UNK: variants seen among roughly 807,000 people sequenced by gnomAD.
UNK encodes unk zinc finger.
A neutral mutation model predicts 97.6 loss-of-function variants in UNK; 32 were observed. The ratio of observed to expected loss-of-function variants is 0.33; its 90% CI spans 0.25 to 0.44. The LOEUF (loss-of-function observed/expected upper bound fraction) is 0.44, where lower values mean the gene tolerates loss of function less well. Among genes scored for constraint, UNK ranks in the 20% least tolerant of loss-of-function variants. The pLI is 1.00. For synonymous variants in UNK, 441 were observed against 461.2 expected (o/e 0.96, Z 0.56); for missense variants, 771 against 1,098.4 (o/e 0.70, Z 4.21).
intron 1 of UNK, among the ~76,000 whole-genome samples, chr17:75,802,948 A>G: frequency 7.2e-6 from 1 of 139,752 alleles, no homozygotes; most frequent in Non-Finnish European, 1.5e-5. Flanking sequence ...AACATGGTGA[A>G]ACCTCGTCTC....
At chr17:75,815,091 A>G in intron 6 of UNK, 78 bp from the exon 7 acceptor site, 1 of 1,332,834 alleles carries the variant, frequency 7.5e-7, no homozygotes, top group Non-Finnish European at 1.1e-6. Flanking sequence ...AAGCCAGCGC[A>G]CTCATGCTGG....
At chr17:75,800,536 A>C (rs112503011) in intron 1 of UNK, among the ~76,000 whole-genome samples, 13,666 of 151,392 alleles carry the variant, frequency 0.09, 834 homozygotes, top group Non-Finnish European at 0.13. Context: ...CAGGAGATTG[A>C]GACCATCCTG....
rs766829944 is a variant in UNK at position 75,823,443 on chromosome 17, C to T, written c.2198C>T (p.Ser733Phe). The T allele has an allele frequency of 1.3e-6, 2 of 1,588,926 alleles. No homozygotes were observed. The highest frequency in any genetic ancestry group is 8.6e-7 in the Non-Finnish European group (1 of 1,165,906). Residue 733 changes from serine to phenylalanine, a missense_variant, in exon 15 of 16, where the codon TCC becomes TTC. Physicochemically the swap from Ser to Phe is radical, Grantham distance 155. Transcript: ENST00000589666. ...GAGCCCCAGGCCCTGCCCGCCTTCTCCGACCTGGAGGCGCTCTCACTCTCC... is the reference window on the plus strand; with the variant it reads ...GAGCCCCAGGCCCTGCCCGCCTTCTTCGACCTGGAGGCGCTCTCACTCTCC... ...GPEPQALPAFSDLEALSLSTL... is the reference protein window; with the variant it reads ...GPEPQALPAFFDLEALSLSTL...
At position 75,785,000 on chromosome 17, in the gene UNK, C is replaced by A. The variant is rs773616062; in HGVS notation, c.104+16C>A. 5.0e-6 allele frequency: 7 copies of A among 1,397,012 alleles called. No homozygotes were observed. The highest frequency in any genetic ancestry group is 1.6e-5 in the South Asian group (1 of 63,590). The allele number at this position is 1,397,012 out of a possible 1,614,324, so 86.5% of individuals were successfully genotyped here. ...AGCACTACACGTACGTAGAGCCCCC[C>A]CCCCCCCGCCGCGCGCGCACGCCTG... On this transcript the variant is annotated intron_variant, in intron 1 of 15. Transcript: ENST00000589666.
chr17:75,786,051 CTG>C (rs2061707640), intron 1 of UNK, among the ~76,000 whole-genome samples: 2 of 152,346 alleles, frequency 1.3e-5, no homozygotes, highest in African/African-American at 2.4e-5. Context: ...CCTTGGGAAA[CTG>C]TTCTGGGGTT....
In UNK at chr17:75,818,979, G is replaced by A. The variant is rs557403192; in HGVS notation, c.1546+163G>A. The A allele has an allele frequency of 6.7e-5, 56 of 833,180 alleles. No individual in the cohort carries two copies. The African/African-American group carries it at 9.0e-4, about 13-fold the overall frequency. The allele number at this position is 833,180 out of a possible 1,614,324, so 51.6% of individuals were successfully genotyped here. ...GAGTCCTTTGAGCTAAAGGGGAAAT[G>A]ACCCCAAGGTGTAGGGCCAGGACTG... is the stretch of plus-strand genomic sequence containing the variant. On this transcript the variant is annotated intron_variant, in intron 11 of 15. Transcript: ENST00000589666. This position sits in a 1 kb window ranked among gnomAD's most constrained non-coding sequence, Gnocchi z 5.1.
intron 5 of UNK, 151 bp from the exon 6 acceptor site, chr17:75,813,610 C>T (rs1315317252): frequency 1.4e-6 from 1 of 691,440 alleles, no homozygotes; most frequent in Non-Finnish European, 2.4e-6. Context: ...AGAGAAAGAG[C>T]TTGGCTTGTG....
In UNK at chr17:75,825,702, G is replaced by A. The variant is rs1349843687; in HGVS notation, c.*1285G>A. ...GCTCCCCCTTGGGCTCAGCACGAAAGGGCTTTCAATGAATTAAGTGAAAAC... is the reference window on the plus strand; with the variant it reads ...GCTCCCCCTTGGGCTCAGCACGAAAAGGCTTTCAATGAATTAAGTGAAAAC... On this transcript the variant is annotated 3_prime_UTR_variant, in exon 16 of 16. Coordinates refer to ENST00000589666, the MANE Select transcript of UNK (RefSeq NM_001080419.3). The surrounding 1 kb of genome is among the most constrained non-coding windows in gnomAD (Gnocchi z 4.4). 2 of 152,200 alleles carry A rather than the reference G, an allele frequency of 1.3e-5. No individual in the cohort carries two copies. The highest frequency in any genetic ancestry group is 1.3e-4 in the Admixed American group (2 of 15,278). The allele number at this position is 152,200 out of a possible 1,614,324, so 9.4% of individuals were successfully genotyped here.
At chr17:75,803,719 A>G (rs567589046) in intron 1 of UNK, among the ~76,000 whole-genome samples, 60 of 152,286 alleles carry the variant, frequency 3.9e-4, no homozygotes, top group African/African-American at 1.4e-3. Context: ...TTTTGTCAGA[A>G]ATAGAAGCTG....
At position 75,818,466 on chromosome 17, in the gene UNK, C is replaced by A. The variant is rs1055509118; in HGVS notation, c.1372-176C>A. On this transcript the variant is annotated intron_variant, in intron 10 of 15. Transcript: ENST00000589666. This position sits in a 1 kb window ranked among gnomAD's most constrained non-coding sequence, Gnocchi z 5.1. ...AATGGGCCTGGCAGCCTCCGCACCT[C>A]CAACTCCATGCTCTCAACAAGGTGT... 6.6e-6 allele frequency among the ~76,000 whole-genome samples: 1 copy of A among 152,174 alleles called. No homozygotes were observed. Among genetic ancestry groups the A allele is most frequent in the Non-Finnish European group, 1.5e-5 (1 of 68,014 alleles).
chr17:75,796,756 C>A (rs2061809367), intron 1 of UNK, among the ~76,000 whole-genome samples: 1 of 152,110 alleles, frequency 6.6e-6, no homozygotes, highest in Non-Finnish European at 1.5e-5. Flanking sequence ...TAATAGTTTA[C>A]CTATCAGATT....
At chr17:75,793,073 T>C (rs1483181119) in intron 1 of UNK, among the ~76,000 whole-genome samples, 1 of 152,220 alleles carries the variant, frequency 6.6e-6, no homozygotes, top group African/African-American at 2.4e-5. Flanking sequence ...AAGAAATACG[T>C]ATTCAGAAAA....
rs1394335612 is a variant in UNK, at chr17:75,819,468, A to G, written c.1547-216A>G. On this transcript the variant is annotated intron_variant, in intron 11 of 15. Coordinates refer to ENST00000589666, the MANE Select transcript of UNK (RefSeq NM_001080419.3). The surrounding 1 kb of genome is among the most constrained non-coding windows in gnomAD (Gnocchi z 5.4). ...CCTGGAAGTATCAAAGAAGATTCAGAAAGGAGAGGCATTTGGGTTGGACAT... is the reference window on the plus strand; with the variant it reads ...CCTGGAAGTATCAAAGAAGATTCAGGAAGGAGAGGCATTTGGGTTGGACAT... 1 of 582,876 alleles carries G rather than the reference A, an allele frequency of 1.7e-6. No individual in the cohort carries two copies. The highest frequency in any genetic ancestry group is 3.1e-6 in the Non-Finnish European group (1 of 326,794). 36.1% of individuals were successfully genotyped at this position (582,876 alleles called of 1,614,324 possible). A position where few individuals can be genotyped will look rare whatever the true frequency, so the allele number is the denominator to read the frequency against.
Position 75,824,504 on chromosome 17 carries a change from G to GTGTA in UNK, c.*101_*104dup, listed in dbSNP as rs917386084. ...TATATATATGAATATATATATATAT[G>GTGTA]TGTATGTATGTATGTATATGTATAT... On this transcript the variant is annotated 3_prime_UTR_variant, in exon 16 of 16. Coordinates refer to ENST00000589666, the MANE Select transcript of UNK (RefSeq NM_001080419.3). The surrounding 1 kb of genome is among the most constrained non-coding windows in gnomAD (Gnocchi z 4.9). 5.8e-6 allele frequency: 5 copies of GTGTA among 867,312 alleles called. No homozygotes were observed. Among genetic ancestry groups the GTGTA allele is most frequent in the East Asian group, 4.1e-5 (1 of 24,424 alleles). 53.7% of individuals were successfully genotyped at this position (867,312 alleles called of 1,614,324 possible). A position where few individuals can be genotyped will look rare whatever the true frequency, so the allele number is the denominator to read the frequency against.
At chr17:75,785,035 G>A (rs1451876523) in intron 1 of UNK, 51 bp downstream of exon 1, 13 of 1,291,848 alleles carry the variant, frequency 1.0e-5, no homozygotes, top group Non-Finnish European at 1.2e-5. Context: ...GACGTCAGCG[G>A]CCAGCGTGAG....
rs779436435 is a variant in UNK, at chr17:75,818,652, G to T, written c.1382G>T (p.Gly461Val). ...CCTCTCTCGTTGCAGGACATGCTGG[G>T]CATCCTCCCCGCAGGCAGCCCCCTG... Reference protein sequence around the residue: ...PLLQPKQDMLGILPAGSPLTS... With the variant: ...PLLQPKQDMLVILPAGSPLTS... Residue 461 changes from glycine (G) to valine (V), a missense_variant, in exon 11 of 16, where the codon GGC becomes GTC. Gly to Val is a moderately radical substitution (Grantham distance 109, BLOSUM62 -3). Around this residue, in one of 5 missense-constraint regions of UNK, gnomAD observed 192 missense variants for 202.4 expected, o/e 0.95. Transcript: ENST00000589666. This position sits in a 1 kb window ranked among gnomAD's most constrained non-coding sequence, Gnocchi z 5.1. The T allele has an allele frequency of 2.5e-6, 4 of 1,593,744 alleles. No homozygotes were observed. In the Admixed American group the frequency reaches 7.0e-5, roughly 28 times the overall value.
At chr17:75,810,316 G>A (rs2061957074) in intron 2 of UNK, among the ~76,000 whole-genome samples, 1 of 152,230 alleles carries the variant, frequency 6.6e-6, no homozygotes, top group East Asian at 1.9e-4. Context: ...CCTCACTGGT[G>A]CCCAGGTTTG....
In UNK at chr17:75,823,193, C is replaced by A. The variant is rs1459562310; in HGVS notation, c.2020-72C>A. 8 of 1,502,882 alleles carry A rather than the reference C, an allele frequency of 5.3e-6. No homozygotes were observed. The African/African-American group carries it at 9.8e-5, about 18-fold the overall frequency. The allele number at this position is 1,502,882 out of a possible 1,614,324, so 93.1% of individuals were successfully genotyped here. A position where few individuals can be genotyped will look rare whatever the true frequency, so the allele number is the denominator to read the frequency against. ...CAGGCCTCGCAGCCAGAGTGGCCCCCAAAAGATGATGCTCTCTGGGGACAG... is the reference window on the plus strand; with the variant it reads ...CAGGCCTCGCAGCCAGAGTGGCCCCAAAAAGATGATGCTCTCTGGGGACAG... On this transcript the variant is annotated intron_variant, in intron 14 of 15. Transcript: ENST00000589666.
intron 1 of UNK, chr17:75,791,685 A>G: frequency 1.0e-6 from 1 of 955,088 alleles, no homozygotes; most frequent in Non-Finnish European, 1.2e-6. Context: ...CTTAACACCT[A>G]GTTGATATTT....
Sources: allele counts gnomAD v4.1 joint callset (sites outside exome capture counted in the v4.1 genomes callset), GRCh38; gene constraint gnomAD v4.1.1; regional missense constraint gnomAD v4.1.1; non-coding constraint Gnocchi (gnomAD v3.1); transcripts MANE v1.5; gene names NCBI Gene and HGNC (gene_info 2026-07-23, HGNC 2026-07-21).